The following DNM3 variants were observed in gnomAD, a reference collection of about 807,000 sequenced individuals.
The protein encoded by DNM3 is dynamin 3.
Under a neutral mutation model 101.6 loss-of-function variants are expected in DNM3, and 47 were observed. The observed-to-expected ratio is 0.46, with a 90% CI of 0.37 to 0.59. The LOEUF (loss-of-function observed/expected upper bound fraction) is 0.59, where lower values mean the gene tolerates loss of function less well. DNM3 is among the 20% of genes least tolerant of loss of function. The pLI is 0.00. For missense variants in DNM3, 849 were observed against 1,085.7 expected, an observed-to-expected ratio of 0.78 and a Z score of 3.06; for synonymous variants, 385 against 387.9, an observed-to-expected ratio of 0.99 and a Z score of 0.09.
chr1:171,841,950 A>C, intron 1 of DNM3, 133 bp downstream of exon 1: 3 of 513,920 alleles, frequency 5.8e-6, no homozygotes, highest in Admixed American at 4.0e-5. Context: ...GGCAGAGTGG[A>C]ATGGGGGGCA....
intron 7 of DNM3, among the ~76,000 whole-genome samples, chr1:172,040,230 C>T (rs188383326): frequency 2.6e-5 from 4 of 152,182 alleles, no homozygotes; most frequent in African/African-American, 9.6e-5. Flanking sequence ...TCATACCTCT[C>T]CAGGTGTTTT....
chr1:172,047,831 G>C (rs1404289782), intron 9 of DNM3, among the ~76,000 whole-genome samples: 1 of 151,744 alleles, frequency 6.6e-6, no homozygotes, highest in Non-Finnish European at 1.5e-5. Flanking sequence ...GAGAGAAGAG[G>C]GCCTAGGAGT....
intron 12 of DNM3, among the ~76,000 whole-genome samples, chr1:172,088,056 C>A (rs1412493293): frequency 2.0e-5 from 3 of 152,156 alleles, no homozygotes; most frequent in East Asian, 1.9e-4. Flanking sequence ...TTGTAAATAA[C>A]CCTGGCATCA....
intron 15 of DNM3, among the ~76,000 whole-genome samples, chr1:172,275,414 T>A (rs1160004073): frequency 6.6e-6 from 1 of 152,046 alleles, no homozygotes; most frequent in Non-Finnish European, 1.5e-5. Context: ...AATATTTGGA[T>A]TTTTTGGCAT....
intron 17 of DNM3, chr1:172,338,689 G>T: frequency 2.8e-6 from 1 of 363,348 alleles, no homozygotes; most frequent in Non-Finnish European, 5.5e-6. Flanking sequence ...CACCAGGTGC[G>T]CCCTGAGAGC....
At position 172,286,028 on chromosome 1, in the gene DNM3, C is replaced by T. The variant is rs60257339; in HGVS notation, c.1770-22700C>T. Reference sequence around the variant, plus strand: ...GCTGCTTGCCTTGCATTGATAGTTCCTCAAAGATCTTATTTTTTAGAACTT... The same window carrying T: ...GCTGCTTGCCTTGCATTGATAGTTCTTCAAAGATCTTATTTTTTAGAACTT... On this transcript the variant is annotated intron_variant, in intron 15 of 20. Coordinates refer to ENST00000627582, the MANE Select transcript of DNM3 (RefSeq NM_015569.5). Among the ~76,000 whole-genome samples the T allele has an allele frequency of 3.5e-3, 532 of 151,196 alleles. 1 individual carries two copies. The highest frequency in any genetic ancestry group is 0.012 in the African/African-American group (511 of 41,142).
In DNM3 at chr1:172,292,625, G is replaced by A. The variant is rs77058907; in HGVS notation, c.1770-16103G>A. 6.6e-3 allele frequency among the ~76,000 whole-genome samples: 500 copies of A among 75,852 alleles called. 3 individuals carry two copies. The highest frequency in any genetic ancestry group is 0.046 in the South Asian group (102 of 2,240). 49.8% of individuals were successfully genotyped at this position (75,852 alleles called of 152,430 possible). ...TTCACACACACACACACACACACAC[G>A]CGCGTGCGTATATTCCTTACACGCA... On this transcript the variant is annotated intron_variant, in intron 15 of 20. Transcript: ENST00000627582.
chr1:172,320,734 G>A (rs1467351974), intron 16 of DNM3, among the ~76,000 whole-genome samples: 1 of 152,146 alleles, frequency 6.6e-6, no homozygotes, highest in Non-Finnish European at 1.5e-5. Flanking sequence ...TTTAAAGGGA[G>A]ATCTGATGCA....
chr1:172,042,889 G>T (rs532260745), intron 8 of DNM3, among the ~76,000 whole-genome samples: 2 of 152,278 alleles, frequency 1.3e-5, no homozygotes, highest in Non-Finnish European at 2.9e-5. Context: ...ATTTGTTGAT[G>T]ATTTTAGAAG....
intron 13 of DNM3, among the ~76,000 whole-genome samples, chr1:172,107,131 A>T (rs1016086512): frequency 5.3e-5 from 8 of 152,014 alleles, no homozygotes; most frequent in African/African-American, 1.2e-4. Flanking sequence ...AAGTGCTGGG[A>T]TTACAGGCGT....
At chr1:172,415,540 T>TG (rs60022147), downstream of DNM3, among the ~76,000 whole-genome samples, 3 of 143,638 alleles carry the variant, frequency 2.1e-5, no homozygotes, top group Non-Finnish European at 4.6e-5. Flanking sequence ...TTTTTTTTTT[T>TG]TTTTTTTGAG....
At chr1:172,134,748 T>G (rs567713043) in intron 14 of DNM3, among the ~76,000 whole-genome samples, 2 of 152,094 alleles carry the variant, frequency 1.3e-5, no homozygotes, top group African/African-American at 4.8e-5. Context: ...CAGTGATGAG[T>G]TGACATAGAG....
chr1:172,303,257 C>A (rs148954435), intron 15 of DNM3, among the ~76,000 whole-genome samples: 220 of 152,100 alleles, frequency 1.4e-3, no homozygotes, highest in African/African-American at 5.2e-3. Flanking sequence ...GTAGCCAATT[C>A]AATCAAGTGG....
chr1:172,032,833 A>G (rs1452349777), intron 5 of DNM3, among the ~76,000 whole-genome samples: 1 of 152,114 alleles, frequency 6.6e-6, no homozygotes, highest in African/African-American at 2.4e-5. Context: ...TGCCTGCTAT[A>G]TGACAAAACT....
At chr1:171,946,503 G>T (rs2042183190) in intron 2 of DNM3, among the ~76,000 whole-genome samples, 1 of 152,118 alleles carries the variant, frequency 6.6e-6, no homozygotes, top group Non-Finnish European at 1.5e-5. Flanking sequence ...CTGGGGAGTT[G>T]TGCTAAGCTA....
intron 12 of DNM3, among the ~76,000 whole-genome samples, chr1:172,086,331 C>T (rs74859769): frequency 6.6e-6 from 1 of 152,134 alleles, no homozygotes; most frequent in Non-Finnish European, 1.5e-5. Flanking sequence ...TGGACTATCA[C>T]AGTGTAACCT....
At chr1:171,856,569 T>C (rs947667814) in intron 1 of DNM3, among the ~76,000 whole-genome samples, 3 of 152,224 alleles carry the variant, frequency 2.0e-5, no homozygotes, top group African/African-American at 7.2e-5. Context: ...TTTGTAGTTC[T>C]CATTGTAGAG....
At chr1:172,218,691 C>T (rs1389831745) in intron 14 of DNM3, among the ~76,000 whole-genome samples, 1 of 152,024 alleles carries the variant, frequency 6.6e-6, no homozygotes, top group Non-Finnish European at 1.5e-5. Context: ...TGTGGACTTG[C>T]ATATCTATTG....
At chr1:172,254,490 T>C (rs962739798) in intron 15 of DNM3, among the ~76,000 whole-genome samples, 4 of 152,158 alleles carry the variant, frequency 2.6e-5, no homozygotes, top group African/African-American at 9.6e-5. Flanking sequence ...TCATTGGTTT[T>C]TGTAACAATT....
Sources: gnomAD v4.1 joint callset for allele counts (sites outside exome capture counted in the v4.1 genomes callset) on GRCh38, gnomAD v4.1.1 for gene constraint, MANE v1.5 for transcripts, NCBI Gene and HGNC (gene_info 2026-07-23, HGNC 2026-07-21) for gene names.